Variants in PPARG observed in about 807,000 individuals in gnomAD.
The protein encoded by PPARG is peroxisome proliferator-activated receptor gamma.
Under a neutral mutation model 39.2 loss-of-function variants are expected in PPARG, and 17 were observed. The observed-to-expected ratio is 0.43, with a 90% CI of 0.30 to 0.65. PPARG has a LOEUF of 0.65. Among genes scored for constraint, PPARG ranks in the 30% least tolerant of loss-of-function variants. The pLI is 0.13. For missense variants in PPARG, 406 were observed against 585.9 expected, an observed-to-expected ratio of 0.69 and a Z score of 3.17; for synonymous variants, 223 against 215.7, an observed-to-expected ratio of 1.03 and a Z score of -0.30.
intron 7 of PPARG, among the ~76,000 whole-genome samples, chr3:12,422,231 G>C (rs1371465004): frequency 1.3e-5 from 2 of 152,232 alleles, no homozygotes; most frequent in African/African-American, 4.8e-5. Context: ...GAAAGCTTCA[G>C]TATGTGGGAG....
At chr3:12,331,633 G>C (rs1054810821) in intron 2 of PPARG, among the ~76,000 whole-genome samples, 1 of 152,202 alleles carries the variant, frequency 6.6e-6, no homozygotes, top group African/African-American at 2.4e-5. Context: ...CTATGGAAAG[G>C]TGCATATGGA....
chr3:12,312,162 C>T (rs1234391924), intron 1 of PPARG, among the ~76,000 whole-genome samples: 3 of 152,102 alleles, frequency 2.0e-5, no homozygotes, highest in Non-Finnish European at 4.4e-5. Flanking sequence ...ATTCTCCAGC[C>T]CTGCATGATT....
chr3:12,419,271 A>C (rs1203011979), intron 7 of PPARG, among the ~76,000 whole-genome samples: 1 of 151,990 alleles, frequency 6.6e-6, no homozygotes, highest in Non-Finnish European at 1.5e-5. Flanking sequence ...GAACAAAAAT[A>C]TACTACCTGG....
At chr3:12,373,408 A>G (rs1355948201) in intron 2 of PPARG, among the ~76,000 whole-genome samples, 1 of 152,186 alleles carries the variant, frequency 6.6e-6, no homozygotes, top group Non-Finnish European at 1.5e-5. Context: ...TAAGAAAACC[A>G]TCTAGGACCA....
chr3:12,383,215 C>T (rs1253810290), intron 4 of PPARG, among the ~76,000 whole-genome samples: 2 of 151,996 alleles, frequency 1.3e-5, no homozygotes, highest in Admixed American at 1.3e-4. Context: ...TCTTATTCAT[C>T]TCTAAGTTCT....
rs2050117106 is a variant in PPARG at position 12,392,624 on chromosome 3, G to A, written c.401G>A (p.Arg134Gln). 6.2e-7 allele frequency: 1 copy of A among 1,613,720 alleles called. No individual in the cohort carries two copies. Among genetic ancestry groups the A allele is most frequent in the Non-Finnish European group, 8.5e-7 (1 of 1,179,782 alleles). The change falls in exon 5 of 8, where the codon CGG becomes CAG. Residue 134 changes from arginine (R) to glutamine (Q), a missense_variant. Coordinates refer to ENST00000651735, the MANE Select transcript of PPARG (RefSeq NM_138711.6). ...HACEGCKGFFRRTIRLKLIYD... is the reference protein window; with the variant it reads ...HACEGCKGFFQRTIRLKLIYD... ...TTTATCCCTTTGCAGGGTTTCTTCC[G>A]GAGAACAATCAGATTGAAGCTTATC... is the stretch of plus-strand genomic sequence containing the variant.
At chr3:12,341,288 C>T (rs1436661528) in intron 2 of PPARG, among the ~76,000 whole-genome samples, 1 of 151,998 alleles carries the variant, frequency 6.6e-6, no homozygotes, top group Non-Finnish European at 1.5e-5. Flanking sequence ...AAATAAAATT[C>T]TCTAAAAATA....
intron 5 of PPARG, among the ~76,000 whole-genome samples, chr3:12,405,567 A>T (rs1365126056): frequency 1.3e-5 from 2 of 152,258 alleles, no homozygotes; most frequent in African/African-American, 2.4e-5. Flanking sequence ...AGGGATGAGT[A>T]GGAGTTGGTT....
At chr3:12,327,436 C>A (rs893034928) in intron 2 of PPARG, among the ~76,000 whole-genome samples, 2 of 152,176 alleles carry the variant, frequency 1.3e-5, no homozygotes, top group Non-Finnish European at 2.9e-5. Context: ...AGAACAGAAT[C>A]TTTATTATGA....
At chr3:12,355,015 T>C (rs2048615336) in intron 2 of PPARG, among the ~76,000 whole-genome samples, 2 of 152,218 alleles carry the variant, frequency 1.3e-5, no homozygotes, top group Non-Finnish European at 1.5e-5. Context: ...AGTTATTCTT[T>C]GGGCCTAAAT....
At chr3:12,340,577 T>C (rs112372237) in intron 2 of PPARG, among the ~76,000 whole-genome samples, 8 of 152,084 alleles carry the variant, frequency 5.3e-5, no homozygotes, top group Non-Finnish European at 1.2e-4. Context: ...TTTTTAAAAA[T>C]AAAAATGTAA....
intron 1 of PPARG, among the ~76,000 whole-genome samples, chr3:12,310,969 T>C (rs9310401): frequency 0.27 from 41,509 of 152,008 alleles, 5,766 homozygotes; most frequent in East Asian, 0.33. Flanking sequence ...GCTGTGATAC[T>C]GGTCAGCAGT....
chr3:12,371,823 G>A (rs1379168167), intron 2 of PPARG: 18 of 663,250 alleles, frequency 2.7e-5, no homozygotes, highest in Non-Finnish European at 4.7e-5. Context: ...GAACTCAGAT[G>A]ATCTCAAAAC....
chr3:12,391,339 GGAGCAGAGTAAAGAA>G (rs2050070328), intron 4 of PPARG, among the ~76,000 whole-genome samples: 1 of 152,280 alleles, frequency 6.6e-6, no homozygotes, highest in East Asian at 1.9e-4. Context: ...GAGAAAAACT[GGAGCAGAGTAAAGAA>G]GATCAAGAGT....
intron 2 of PPARG, among the ~76,000 whole-genome samples, chr3:12,360,502 T>C (rs1187598105): frequency 6.7e-6 from 1 of 149,258 alleles, no homozygotes; most frequent in Non-Finnish European, 1.5e-5. Flanking sequence ...TTTATTGAAG[T>C]ATAATATACT....
chr3:12,381,455 A>G lies in PPARG; in HGVS notation c.354A>G (p.Gly118=). 6.2e-7 allele frequency: 1 copy of G among 1,613,620 alleles called. No individual in the cohort carries two copies. The highest frequency in any genetic ancestry group is 1.3e-5 in the African/African-American group (1 of 74,994). ...ECRVCGDKAS[G]FHYGVHACEG... ...GTGTCTGTGGAGATAAAGCTTCTGG[A>G]TTTCACTATGGAGTTCATGCTTGTG... is the stretch of plus-strand genomic sequence containing the variant. Residue 118 remains glycine (G), a synonymous_variant, in exon 4 of 8, where the codon GGA becomes GGG. Coordinates refer to ENST00000651735, the MANE Select transcript of PPARG (RefSeq NM_138711.6).
At chr3:12,308,233 A>C (rs894363955) in intron 1 of PPARG, among the ~76,000 whole-genome samples, 3 of 150,764 alleles carry the variant, frequency 2.0e-5, no homozygotes, top group African/African-American at 7.3e-5. Context: ...AGTCCCAGCT[A>C]CTTGGGAGGC....
chr3:12,404,391 T>C (rs1414364580), intron 5 of PPARG, among the ~76,000 whole-genome samples: 1 of 152,202 alleles, frequency 6.6e-6, no homozygotes, highest in Admixed American at 6.5e-5. Flanking sequence ...CAAGGGTACA[T>C]GTCAGTTTCT....
At chr3:12,349,471 G>A (rs1050827435) in intron 2 of PPARG, among the ~76,000 whole-genome samples, 4 of 152,194 alleles carry the variant, frequency 2.6e-5, no homozygotes, top group African/African-American at 4.8e-5. Flanking sequence ...GATGCTTTGC[G>A]TGTTGCTTGG....
Sources: allele counts gnomAD v4.1 joint callset (sites outside exome capture counted in the v4.1 genomes callset), GRCh38; gene constraint gnomAD v4.1.1; transcripts MANE v1.5; gene names NCBI Gene and HGNC (gene_info 2026-07-23, HGNC 2026-07-21).